Variants in ASTL observed in about 807,000 individuals in gnomAD.
ASTL encodes astacin like metalloendopeptidase.
In ASTL, 27 loss-of-function variants were observed where a neutral mutation model predicts 36.7. The observed-to-expected ratio is 0.73, with a 90% CI of 0.54 to 1.01. The LOEUF (loss-of-function observed/expected upper bound fraction) is 1.01. ASTL is among the 50% of genes least tolerant of loss of function. The pLI is 0.00. For missense variants in ASTL, 524 were observed against 572.8 expected (o/e 0.91, Z 0.87); for synonymous variants, 222 against 228.1 (o/e 0.97, Z 0.24).
intron 8 of ASTL, among the ~76,000 whole-genome samples, chr2:96,125,913 A>ATT (rs1049322468): frequency 6.7e-6 from 1 of 148,428 alleles, no homozygotes; most frequent in African/African-American, 2.5e-5. Flanking sequence ...TCCTTTAGGG[A>ATT]TTTTTTTTTT....
rs577405325 is a variant in ASTL, at chr2:96,135,662, G to A, written c.182-250C>T. ...GTGCGGACTGTCTGCAGGTGTGAGG[G>A]GGCTGGAGGACAAAGACAAAGGAGA... On this transcript the variant is annotated intron_variant, in intron 2 of 8. Transcript: ENST00000342380. 5.9e-5 allele frequency among the ~76,000 whole-genome samples: 9 copies of A among 152,346 alleles called. No individual in the cohort carries two copies. In the East Asian group the frequency reaches 1.4e-3, roughly 23 times the overall value.
At position 96,123,475 on chromosome 2, in the gene ASTL, G is replaced by C. The variant is rs1235381198; in HGVS notation, c.*375C>G. Among the ~76,000 whole-genome samples, 1 of 152,184 alleles carries C rather than the reference G, an allele frequency of 6.6e-6. No homozygotes were observed. Among genetic ancestry groups the C allele is most frequent in the Admixed American group, 6.5e-5 (1 of 15,290 alleles). ...GTAGGGACACCATTAGTCCATGCTG[G>C]GGGGCAGGGCCTCAGGCACAGGAGG... On this transcript the variant is annotated 3_prime_UTR_variant, in exon 9 of 9. Coordinates refer to ENST00000342380, the MANE Select transcript of ASTL (RefSeq NM_001002036.4).
rs1682145228 is a variant in ASTL, at chr2:96,130,134, T to C, written c.649A>G (p.Asn217Asp). The C allele has an allele frequency of 6.2e-7, 1 of 1,613,532 alleles. No homozygotes were observed. Among genetic ancestry groups the C allele is most frequent in the Non-Finnish European group, 8.5e-7 (1 of 1,179,446 alleles). The change falls in exon 7 of 9, where the codon AAC (asparagine) becomes GAC (aspartate). Residue 217 changes from asparagine to aspartate, a missense_variant. Physicochemically the swap from Asn to Asp is conservative, Grantham distance 23 (BLOSUM62 1). Coordinates refer to ENST00000342380, the MANE Select transcript of ASTL (RefSeq NM_001002036.4). ...WNEILPGFEINFIKSQSSNML... is the reference protein window; with the variant it reads ...WNEILPGFEIDFIKSQSSNML... The stretch of plus-strand genomic sequence containing the variant: ...TTGCTGCTCTGAGACTTGATGAAGT[T>C]GATTTCAAAGCCTAAAAATACAAAA...
Position 96,123,745 on chromosome 2 carries a change from T to G in ASTL, c.*105A>C. 1 of 887,406 alleles carries G rather than the reference T, an allele frequency of 1.1e-6. No homozygotes were observed. Among genetic ancestry groups the G allele is most frequent in the South Asian group, 1.6e-5 (1 of 62,616 alleles). The allele number at this position is 887,406 out of a possible 1,614,324, so 55.0% of individuals were successfully genotyped here. On this transcript the variant is annotated 3_prime_UTR_variant, in exon 9 of 9. Coordinates refer to ENST00000342380, the MANE Select transcript of ASTL (RefSeq NM_001002036.4). ...TGGCCCTCTGAGATGGGGTGGTAGGTTGGGGCTGGAAGACAGTGGTGTGGC... is the reference window on the plus strand; with the variant it reads ...TGGCCCTCTGAGATGGGGTGGTAGGGTGGGGCTGGAAGACAGTGGTGTGGC...
Position 96,137,739 on chromosome 2 carries a change from G to A in ASTL, c.56-39C>T, listed in dbSNP as rs1166271029. On this transcript the variant is annotated intron_variant, in intron 1 of 8. Coordinates refer to ENST00000342380, the MANE Select transcript of ASTL (RefSeq NM_001002036.4). ...ACAGGGGCATACACAGATGCCTGGAGCACCCACCGGTGAGACCAGACAGCA... is the reference window on the plus strand; with the variant it reads ...ACAGGGGCATACACAGATGCCTGGAACACCCACCGGTGAGACCAGACAGCA... 2.5e-6 allele frequency: 4 copies of A among 1,588,018 alleles called. No individual in the cohort carries two copies. In the South Asian group the frequency reaches 4.4e-5, roughly 18 times the overall value.
At chr2:96,127,630 G>C (rs1396040020) in intron 8 of ASTL, among the ~76,000 whole-genome samples, 1 of 151,934 alleles carries the variant, frequency 6.6e-6, no homozygotes. Context: ...CTGGAGTGCA[G>C]TGGCACGATC....
At chr2:96,131,139 A>C (rs1302867264) in intron 6 of ASTL, among the ~76,000 whole-genome samples, 2 of 152,136 alleles carry the variant, frequency 1.3e-5, no homozygotes, top group East Asian at 3.8e-4. Context: ...TTCCAACTCA[A>C]TTTCTGCTTT....
chr2:96,123,166 T>G lies in ASTL; in HGVS notation c.*684A>C, dbSNP rs1372235006. Among the ~76,000 whole-genome samples, 1 of 152,206 alleles carries G rather than the reference T, an allele frequency of 6.6e-6. No homozygotes were observed. Among genetic ancestry groups the G allele is most frequent in the African/African-American group, 2.4e-5 (1 of 41,456 alleles). On this transcript the variant is annotated 3_prime_UTR_variant, in exon 9 of 9. Coordinates refer to ENST00000342380, the MANE Select transcript of ASTL (RefSeq NM_001002036.4). ...CTGCGCCTGGCTGAGCTCCAGGGAATAGCGGTGTAGGGTGGAGACAACTGA... is the reference window on the plus strand; with the variant it reads ...CTGCGCCTGGCTGAGCTCCAGGGAAGAGCGGTGTAGGGTGGAGACAACTGA...
rs113826705 is a variant in ASTL at position 96,123,103 on chromosome 2, G to A, written c.*747C>T. 6.2e-4 allele frequency among the ~76,000 whole-genome samples: 95 copies of A among 152,346 alleles called. No individual in the cohort carries two copies. Among genetic ancestry groups the A allele is most frequent in the African/African-American group, 2.0e-3 (85 of 41,578 alleles). On this transcript the variant is annotated 3_prime_UTR_variant, in exon 9 of 9. Transcript: ENST00000342380. Reference sequence around the variant, plus strand: ...GAGGAAGGGGGCTTTCCTGGAGGAGGACAAGCCAGGTAACCCCAGCCCTTT... The same window carrying A: ...GAGGAAGGGGGCTTTCCTGGAGGAGAACAAGCCAGGTAACCCCAGCCCTTT...
intron 3 of ASTL, 46 bp downstream of exon 3, chr2:96,135,305 A>T: frequency 6.4e-7 from 1 of 1,574,640 alleles, no homozygotes; most frequent in Non-Finnish European, 8.7e-7. Context: ...ACCTGTCGCC[A>T]ACTGTGGGCT....
At chr2:96,129,770 T>C (rs1682129968) in intron 8 of ASTL, 54 bp downstream of exon 8, 2 of 1,491,456 alleles carry the variant, frequency 1.3e-6, no homozygotes, top group African/African-American at 2.8e-5. Context: ...CTGACACCAT[T>C]AGAGCACAGG....
upstream of ASTL, chr2:96,138,509 G>A (rs1235998901): frequency 3.4e-5 from 44 of 1,299,626 alleles, no homozygotes; most frequent in East Asian, 3.0e-4. Flanking sequence ...TTGCAGAACC[G>A]GCACCACCAC....
Position 96,132,290 on chromosome 2 carries a change from C to A in ASTL, c.637+250G>T, listed in dbSNP as rs958222904. On this transcript the variant is annotated intron_variant, in intron 6 of 8. Coordinates refer to ENST00000342380, the MANE Select transcript of ASTL (RefSeq NM_001002036.4). The surrounding 1 kb of genome is among the most constrained non-coding windows in gnomAD (Gnocchi z 5.4). ...GTCAGGGATGAGAAGCGAGACAAAG[C>A]AGGTGGTGGCGCCCTAGCTAAGGCA... is the stretch of plus-strand genomic sequence containing the variant. 6.6e-6 allele frequency among the ~76,000 whole-genome samples: 1 copy of A among 152,206 alleles called. No homozygotes were observed. The highest frequency in any genetic ancestry group is 1.5e-5 in the Non-Finnish European group (1 of 68,018).
At chr2:96,125,894 C>T (rs1161376539) in intron 8 of ASTL, among the ~76,000 whole-genome samples, 1 of 152,060 alleles carries the variant, frequency 6.6e-6, no homozygotes, top group Non-Finnish European at 1.5e-5. Flanking sequence ...AAATTTCTCA[C>T]CACATCTGTC....
In ASTL at chr2:96,129,981, G is replaced by A; in HGVS notation, c.720-3C>T. The stretch of plus-strand genomic sequence containing the variant: ...GCCCACGCCGGCTGAAGGCGAGCCT[G>A]GAACCCAGCGGGAGACCCCTGAGTC... On this transcript the variant is annotated splice_region_variant and splice_polypyrimidine_tract_variant and intron_variant, in intron 7 of 8. Transcript: ENST00000342380. 1 of 1,605,518 alleles carries A rather than the reference G, an allele frequency of 6.2e-7. No homozygotes were observed. Among genetic ancestry groups the A allele is most frequent in the Non-Finnish European group, 8.5e-7 (1 of 1,173,016 alleles).
intron 8 of ASTL, among the ~76,000 whole-genome samples, chr2:96,128,551 A>G (rs1014965731): frequency 2.0e-5 from 3 of 152,194 alleles, no homozygotes; most frequent in African/African-American, 7.2e-5. Flanking sequence ...GTCCTTCCAT[A>G]GTGACCATCA....
intron 8 of ASTL, among the ~76,000 whole-genome samples, chr2:96,127,852 A>T (rs759455691): frequency 6.6e-6 from 1 of 152,194 alleles, no homozygotes; most frequent in Non-Finnish European, 1.5e-5. Context: ...CTGTGATTAC[A>T]GGCATGAGCC....
chr2:96,129,999 C>A, intron 7 of ASTL, 21 bp from the exon 8 acceptor site: 1 of 1,610,352 alleles, frequency 6.2e-7, no homozygotes, highest in Non-Finnish European at 8.5e-7. Context: ...GCGGGAGACC[C>A]CTGAGTCCAG....
chr2:96,137,218 G>A (rs1002206604), intron 2 of ASTL, among the ~76,000 whole-genome samples: 5 of 152,146 alleles, frequency 3.3e-5, no homozygotes, highest in South Asian at 2.1e-4. Context: ...GCGACTAACC[G>A]CTTAGCTCCA....
Sources: allele counts gnomAD v4.1 joint callset (sites outside exome capture counted in the v4.1 genomes callset), GRCh38; gene constraint gnomAD v4.1.1; non-coding constraint Gnocchi (gnomAD v3.1); transcripts MANE v1.5; gene names NCBI Gene and HGNC (gene_info 2026-07-23, HGNC 2026-07-21).